Variants in FGD4 observed in about 807,000 individuals in gnomAD.
FGD4 encodes FYVE, RhoGEF and PH domain containing 4.
A neutral mutation model predicts 102.0 loss-of-function variants in FGD4; 42 were observed. That is an observed-to-expected ratio of 0.41 (90% CI 0.32 to 0.53). The LOEUF (loss-of-function observed/expected upper bound fraction) is 0.53, where lower values mean the gene tolerates loss of function less well. Ranked by LOEUF, FGD4 falls within the 20% of genes least tolerant of loss-of-function variation. FGD4 has a pLI of 0.21. For missense variants in FGD4, 902 were observed against 1,078.2 expected, an observed-to-expected ratio of 0.84 and a Z score of 2.29; for synonymous variants, 380 against 375.7, an observed-to-expected ratio of 1.01 and a Z score of -0.13.
chr12:32,446,848 A>G (rs912852989), intron 1 of FGD4, among the ~76,000 whole-genome samples: 1 of 152,184 alleles, frequency 6.6e-6, no homozygotes, highest in Admixed American at 6.5e-5. Flanking sequence ...CAGCGCGTAC[A>G]GGAAGTGATG....
chr12:32,453,124 T>C (rs1942827271), intron 1 of FGD4, among the ~76,000 whole-genome samples: 2 of 149,142 alleles, frequency 1.3e-5, no homozygotes, highest in African/African-American at 4.9e-5. Context: ...CACATCCAAA[T>C]AGTTTTATGT....
At chr12:32,612,823 C>T (rs1227267920) in intron 10 of FGD4, among the ~76,000 whole-genome samples, 2 of 152,136 alleles carry the variant, frequency 1.3e-5, no homozygotes, top group Non-Finnish European at 2.9e-5. Context: ...TTTCTCACTG[C>T]AGTCAGTCCT....
intron 14 of FGD4, among the ~76,000 whole-genome samples, chr12:32,627,825 A>G (rs1950268585): frequency 6.6e-6 from 1 of 152,196 alleles, no homozygotes; most frequent in Admixed American, 6.5e-5. Flanking sequence ...AGAAGTCTCA[A>G]TTGGATAAAA....
intron 1 of FGD4, among the ~76,000 whole-genome samples, chr12:32,401,723 A>ATTC (rs2136375208): frequency 8.5e-6 from 1 of 117,008 alleles, no homozygotes; most frequent in South Asian, 3.0e-4. Flanking sequence ...TCTCTTTTCC[A>ATTC]TTCTTTTTTT....
In FGD4 at chr12:32,482,571, T is replaced by C. The variant is rs549679565; in HGVS notation, c.167-81566T>C. ...TGTAGGACTGCAAGATATGTTACTC[T>C]AAAATGATCCCACTATTCCAGATTA... On this transcript the variant is annotated intron_variant, in intron 1 of 16. Coordinates refer to ENST00000534526, the MANE Select transcript of FGD4 (RefSeq NM_001370298.3). 4.6e-5 allele frequency among the ~76,000 whole-genome samples: 7 copies of C among 152,336 alleles called. No individual in the cohort carries two copies. The South Asian group carries it at 1.4e-3, about 32-fold the overall frequency.
intron 14 of FGD4, among the ~76,000 whole-genome samples, chr12:32,631,429 T>C (rs1950493076): frequency 6.6e-6 from 1 of 152,218 alleles, no homozygotes; most frequent in South Asian, 2.1e-4. Context: ...TAGCTTATTC[T>C]TCCTATTTTC....
chr12:32,618,570 C>T (rs1456501380), intron 10 of FGD4, among the ~76,000 whole-genome samples: 1 of 152,126 alleles, frequency 6.6e-6, no homozygotes, highest in African/African-American at 2.4e-5. Context: ...CTATGTCTCA[C>T]ACTATAATCC....
In FGD4 at chr12:32,642,388, AAG is replaced by A. The variant is rs1222562960; in HGVS notation, c.*1859_*1860del. 6.6e-6 allele frequency: 1 copy of A among 152,122 alleles called. No homozygotes were observed. The highest frequency in any genetic ancestry group is 1.5e-5 in the Non-Finnish European group (1 of 67,958). 9.4% of individuals were successfully genotyped at this position (152,122 alleles called of 1,614,324 possible). ...GCTTTGGTTTTCTTAATCTCAAGAA[AAG>A]AGAAGCAATGGAAATACAGAATGAT... On this transcript the variant is annotated 3_prime_UTR_variant, in exon 17 of 17. Coordinates refer to ENST00000534526, the MANE Select transcript of FGD4 (RefSeq NM_001370298.3).
intron 1 of FGD4, among the ~76,000 whole-genome samples, chr12:32,421,069 A>C (rs568339431): frequency 6.6e-6 from 1 of 152,138 alleles, no homozygotes; most frequent in Admixed American, 6.6e-5. Flanking sequence ...AAACATAAGA[A>C]TTTTCTACCA....
intron 1 of FGD4, among the ~76,000 whole-genome samples, chr12:32,434,733 A>G (rs1167757303): frequency 6.6e-6 from 1 of 152,224 alleles, no homozygotes; most frequent in Non-Finnish European, 1.5e-5. Context: ...CATTTAGAAC[A>G]TGGTTAACTT....
chr12:32,555,640 C>T (rs1944042929), intron 1 of FGD4, among the ~76,000 whole-genome samples: 1 of 146,918 alleles, frequency 6.8e-6, no homozygotes, highest in African/African-American at 2.5e-5. Context: ...GGCGCCATCT[C>T]GGCTCACTGC....
At chr12:32,540,662 T>A (rs1430217052) in intron 1 of FGD4, among the ~76,000 whole-genome samples, 2 of 151,594 alleles carry the variant, frequency 1.3e-5, no homozygotes, top group Non-Finnish European at 2.9e-5. Context: ...ACCTCCCAGG[T>A]TCAAGCAATT....
intron 1 of FGD4, among the ~76,000 whole-genome samples, chr12:32,485,213 A>G (rs1591990985): frequency 6.6e-6 from 1 of 152,206 alleles, no homozygotes; most frequent in African/African-American, 2.4e-5. Flanking sequence ...TTGCCTATCA[A>G]TCAGTGCCTT....
intron 1 of FGD4, among the ~76,000 whole-genome samples, chr12:32,561,172 C>G (rs1213568376): frequency 6.7e-6 from 1 of 149,086 alleles, no homozygotes; most frequent in African/African-American, 2.5e-5. Flanking sequence ...GCAACCTCCC[C>G]CCATCCTGGG....
At chr12:32,471,241 G>A (rs1006020353) in intron 1 of FGD4, among the ~76,000 whole-genome samples, 3 of 152,106 alleles carry the variant, frequency 2.0e-5, no homozygotes, top group Non-Finnish European at 4.4e-5. Context: ...CCAGGCACTG[G>A]CATCCCTGGG....
intron 1 of FGD4, among the ~76,000 whole-genome samples, chr12:32,446,344 C>T (rs1942615087): frequency 6.6e-6 from 1 of 152,028 alleles, no homozygotes; most frequent in Non-Finnish European, 1.5e-5. Context: ...CCACCCTCAC[C>T]CCCTCAACAT....
chr12:32,408,796 G>A (rs575330244), intron 1 of FGD4, among the ~76,000 whole-genome samples: 19 of 152,270 alleles, frequency 1.2e-4, no homozygotes, highest in African/African-American at 4.6e-4. Flanking sequence ...TAATTTTTCT[G>A]TGACATTTGT....
intron 7 of FGD4, among the ~76,000 whole-genome samples, chr12:32,603,222 T>C (rs888638831): frequency 2.6e-5 from 4 of 152,232 alleles, no homozygotes; most frequent in Non-Finnish European, 5.9e-5. Flanking sequence ...TATACTATTA[T>C]ATTTGCCCTT....
chr12:32,486,415 A>C (rs7977293), intron 1 of FGD4, among the ~76,000 whole-genome samples: 1 of 152,038 alleles, frequency 6.6e-6, no homozygotes, highest in Non-Finnish European at 1.5e-5. Flanking sequence ...CTGTGAGTTC[A>C]TAGCACAGAG....
Sources: gnomAD v4.1 joint callset for allele counts (sites outside exome capture counted in the v4.1 genomes callset) on GRCh38, gnomAD v4.1.1 for gene constraint, MANE v1.5 for transcripts, NCBI Gene and HGNC (gene_info 2026-07-23, HGNC 2026-07-21) for gene names.